Variants in ERC2 observed in about 807,000 individuals in gnomAD.
ERC2 encodes ERC protein 2.
In ERC2, 42 loss-of-function variants were observed where a neutral mutation model predicts 114.8. The ratio of observed to expected loss-of-function variants is 0.37; its 90% CI spans 0.29 to 0.47. The LOEUF (loss-of-function observed/expected upper bound fraction) is 0.47. ERC2 is among the 20% of genes least tolerant of loss of function. ERC2 has a pLI of 0.99. For synonymous variants in ERC2, 454 were observed against 425.5 expected, an observed-to-expected ratio of 1.07 and a Z score of -0.82; for missense variants, 939 against 1,150.7, an observed-to-expected ratio of 0.82 and a Z score of 2.66.
At chr3:55,684,468 G>C (rs768938803) in intron 16 of ERC2, among the ~76,000 whole-genome samples, 16 of 152,148 alleles carry the variant, frequency 1.1e-4, no homozygotes, top group Non-Finnish European at 5.9e-5. Context: ...GCATGAAAGA[G>C]GATGCACTGG....
rs146481401 is a variant in ERC2 at position 55,757,350 on chromosome 3, C to T, written c.2565-22432G>A. On this transcript the variant is annotated intron_variant, in intron 14 of 17. Coordinates refer to ENST00000288221, the MANE Select transcript of ERC2 (RefSeq NM_015576.3). ...AATCTGAGAACTGGAAAAGGATGTCCCTTCCACACTGGTCTCTCTATCTCA... is the reference window on the plus strand; with the variant it reads ...AATCTGAGAACTGGAAAAGGATGTCTCTTCCACACTGGTCTCTCTATCTCA... 1.4e-3 allele frequency among the ~76,000 whole-genome samples: 213 copies of T among 152,164 alleles called. 6 individuals are homozygous for T. In the East Asian group the frequency reaches 0.036, roughly 25 times the overall value.
chr3:55,954,081 T>TTTAAAA (rs1390720369), intron 12 of ERC2, among the ~76,000 whole-genome samples: 9 of 50,362 alleles, frequency 1.8e-4, no homozygotes, highest in African/African-American at 7.7e-4. Context: ...CTCCATTATT[T>TTTAAAA]AAAAAAAAAA....
At chr3:55,919,316 C>T (rs2065280521) in intron 13 of ERC2, among the ~76,000 whole-genome samples, 1 of 152,122 alleles carries the variant, frequency 6.6e-6, no homozygotes, top group African/African-American at 2.4e-5. Flanking sequence ...GAGTTTGAAG[C>T]TGTCATGAGC....
intron 2 of ERC2, among the ~76,000 whole-genome samples, chr3:56,385,249 G>T (rs1300100461): frequency 6.6e-6 from 1 of 152,068 alleles, no homozygotes; most frequent in Non-Finnish European, 1.5e-5. Context: ...GTTACCTTTT[G>T]GTTCATACAT....
chr3:56,135,447 A>G (rs2080450311), intron 6 of ERC2, among the ~76,000 whole-genome samples: 1 of 152,234 alleles, frequency 6.6e-6, no homozygotes, highest in Admixed American at 6.5e-5. Flanking sequence ...GAAGATGACA[A>G]GTGAAGTAGA....
intron 12 of ERC2, among the ~76,000 whole-genome samples, chr3:55,957,914 CT>C (rs1424316956): frequency 1.3e-5 from 2 of 152,216 alleles, no homozygotes. Context: ...TAGGTCTGGG[CT>C]TCCCAAAGAG....
At chr3:55,676,048 G>A (rs2061793544) in intron 17 of ERC2, among the ~76,000 whole-genome samples, 2 of 150,780 alleles carry the variant, frequency 1.3e-5, no homozygotes, top group South Asian at 4.2e-4. Flanking sequence ...AGCTTCCCAG[G>A]TAGCTGGGAA....
At chr3:55,512,600 C>CTTTTG (rs965892545) in intron 17 of ERC2, among the ~76,000 whole-genome samples, 2 of 152,268 alleles carry the variant, frequency 1.3e-5, no homozygotes, top group East Asian at 3.9e-4. Flanking sequence ...ATGCACCAGT[C>CTTTTG]TTTTGTTTTG....
chr3:55,674,336 T>C (rs1389532682), intron 17 of ERC2, among the ~76,000 whole-genome samples: 2 of 152,138 alleles, frequency 1.3e-5, no homozygotes, highest in Non-Finnish European at 2.9e-5. Flanking sequence ...AAGACAGAGA[T>C]TCCCATCTCC....
At chr3:55,580,965 G>T (rs989503536) in intron 17 of ERC2, among the ~76,000 whole-genome samples, 1 of 152,216 alleles carries the variant, frequency 6.6e-6, no homozygotes, top group African/African-American at 2.4e-5. Context: ...ACGAAGGCTT[G>T]AATGAGGTGA....
At chr3:55,526,121 A>C (rs2053297994) in intron 17 of ERC2, among the ~76,000 whole-genome samples, 1 of 152,096 alleles carries the variant, frequency 6.6e-6, no homozygotes, top group African/African-American at 2.4e-5. Context: ...AGGGTGGAGC[A>C]ATGCATCTAT....
intron 7 of ERC2, among the ~76,000 whole-genome samples, chr3:56,046,461 G>A (rs928820598): frequency 1.1e-4 from 16 of 152,084 alleles, no homozygotes; most frequent in African/African-American, 3.6e-4. Flanking sequence ...GAAAGCAAAG[G>A]GCATGCAAAG....
chr3:56,381,773 G>C (rs1235738681), intron 2 of ERC2, among the ~76,000 whole-genome samples: 1 of 151,614 alleles, frequency 6.6e-6, no homozygotes, highest in African/African-American at 2.4e-5. Flanking sequence ...GGGGGGGGTG[G>C]AAAAAAACCA....
intron 6 of ERC2, among the ~76,000 whole-genome samples, chr3:56,102,899 A>C (rs192649280): frequency 1.7e-3 from 252 of 152,232 alleles, no homozygotes; most frequent in Non-Finnish European, 3.1e-3. Context: ...GTATTTGACA[A>C]CTTTTTTTTT....
intron 7 of ERC2, among the ~76,000 whole-genome samples, chr3:56,068,145 T>A (rs1413607755): frequency 6.6e-6 from 1 of 152,210 alleles, no homozygotes; most frequent in Admixed American, 6.5e-5. Context: ...CTGGTAGAAT[T>A]TGGCTGTGAA....
intron 2 of ERC2, among the ~76,000 whole-genome samples, chr3:56,354,858 C>T (rs938841566): frequency 1.3e-5 from 2 of 152,186 alleles, no homozygotes; most frequent in Non-Finnish European, 2.9e-5. Context: ...TTACTGAAGG[C>T]TAATTTACTT....
At chr3:56,324,556 T>C (rs1355612565) in intron 2 of ERC2, among the ~76,000 whole-genome samples, 1 of 152,126 alleles carries the variant, frequency 6.6e-6, no homozygotes, top group Non-Finnish European at 1.5e-5. Context: ...CAAACCATCA[T>C]GAGTTATGGA....
chr3:56,348,899 GGAAGGAAAGAAGGAAGGAA>G (rs1560642414), intron 2 of ERC2, among the ~76,000 whole-genome samples: 7 of 36,250 alleles, frequency 1.9e-4, no homozygotes, highest in African/African-American at 5.2e-4. Context: ...AAGGAAGGAA[GGAAGGAAAGAAGGAAGGAA>G]GGAAGGAAGG....
chr3:55,967,373 G>T, intron 12 of ERC2, among the ~76,000 whole-genome samples: 1 of 152,072 alleles, frequency 6.6e-6, no homozygotes, highest in Admixed American at 6.5e-5. Context: ...GCAGAAAAAA[G>T]GAACTGATTT....
Sources: allele counts gnomAD v4.1 joint callset (sites outside exome capture counted in the v4.1 genomes callset), GRCh38; gene constraint gnomAD v4.1.1; transcripts MANE v1.5; gene names NCBI Gene and HGNC (gene_info 2026-07-23, HGNC 2026-07-21).